PPP1R15A: variants seen among roughly 807,000 people sequenced by gnomAD.
The protein encoded by PPP1R15A is protein phosphatase 1 regulatory subunit 15A, also known as growth arrest and DNA damage-inducible protein GADD34.
PPP1R15A carries 43 observed loss-of-function variants against 48.5 expected under a neutral mutation model. That is an observed-to-expected ratio of 0.89 (90% CI 0.69 to 1.14). The LOEUF (loss-of-function observed/expected upper bound fraction) is 1.14, where lower values mean the gene tolerates loss of function less well. Among genes scored for constraint, PPP1R15A ranks in the 50% most tolerant of loss-of-function variants. PPP1R15A has a pLI of 0.00. For missense variants in PPP1R15A, 868 were observed against 847.2 expected (o/e 1.02, Z -0.30); for synonymous variants, 327 against 327.4 (o/e 1.00, Z 0.01).
intron 2 of PPP1R15A, 145 bp downstream of exon 2, chr19:48,875,043 C>T (rs926874229): frequency 3.8e-6 from 4 of 1,040,566 alleles, no homozygotes; most frequent in Non-Finnish European, 3.9e-6. Context: ...TCTCGTGCCT[C>T]AGCCTCCAGA....
chr19:48,874,675 G>A lies in PPP1R15A; in HGVS notation c.1442G>A (p.Gly481Asp), dbSNP rs763202804. The change falls in exon 2 of 3, where the codon GGC (glycine) becomes GAC (aspartate). Residue 481 changes from glycine to aspartate, a missense_variant. By Grantham distance (94) the Gly-to-Asp change is moderately conservative (BLOSUM62 -1). Transcript: ENST00000200453. Reference protein sequence around the residue: ...SHPDQRAHFRGWGYRPGKETE... With the variant: ...SHPDQRAHFRDWGYRPGKETE... ...CCGGACCAGAGGGCCCACTTCAGGG[G>A]CTGGGGATATCGACCTGGAAAAGAG... 7 of 1,613,858 alleles carry A rather than the reference G, an allele frequency of 4.3e-6. No individual in the cohort carries two copies. Among genetic ancestry groups the A allele is most frequent in the Non-Finnish European group, 5.9e-6 (7 of 1,179,816 alleles).
At position 48,873,232 on chromosome 19, in the gene PPP1R15A, A is replaced by G. The variant is rs373036822; in HGVS notation, c.-2A>G. The G allele has an allele frequency of 2.6e-6, 4 of 1,511,424 alleles. No homozygotes were observed. In the Admixed American group the frequency reaches 6.9e-5, roughly 26 times the overall value. 93.6% of individuals were successfully genotyped at this position (1,511,424 alleles called of 1,614,324 possible). On this transcript the variant is annotated 5_prime_UTR_variant, in exon 2 of 3. Transcript: ENST00000200453. ...TTTCTCCCCCTTTTCCAGCCCAGACACATGGCCCCAGGCCAAGCACCCCAT... is the reference window on the plus strand; with the variant it reads ...TTTCTCCCCCTTTTCCAGCCCAGACGCATGGCCCCAGGCCAAGCACCCCAT...
In PPP1R15A at chr19:48,874,392, A is replaced by G; in HGVS notation, c.1159A>G (p.Lys387Glu). The G allele has an allele frequency of 6.2e-7, 1 of 1,614,026 alleles. No homozygotes were observed. Among genetic ancestry groups the G allele is most frequent in the Non-Finnish European group, 8.5e-7 (1 of 1,179,982 alleles). ...CACTCCTGCTACAGGTGTCTTCTTGAAGTCCTGGGTCTATCAGCCAGGAGA... is the reference window on the plus strand; with the variant it reads ...CACTCCTGCTACAGGTGTCTTCTTGGAGTCCTGGGTCTATCAGCCAGGAGA... Reference protein sequence around the residue: ...SSTPATGVFLKSWVYQPGEDT... With the variant: ...SSTPATGVFLESWVYQPGEDT... Residue 387 changes from lysine (K) to glutamate (E), a missense_variant, in exon 2 of 3, where the codon AAG becomes GAG. Coordinates refer to ENST00000200453, the MANE Select transcript of PPP1R15A (RefSeq NM_014330.5).
chr19:48,873,979 C>A lies in PPP1R15A; in HGVS notation c.746C>A (p.Ser249Tyr). ...RSKGARKTSV[S>Y]PRSSGSDPRS... The stretch of plus-strand genomic sequence containing the variant: ...AAAGGAGCCAGGAAGACCTCCGTGT[C>A]CCCCCGATCTTCAGGCTCCGACCCC... Residue 249 changes from serine to tyrosine, a missense_variant, in exon 2 of 3, where the codon TCC (serine) becomes TAC (tyrosine). Physicochemically the swap from Ser to Tyr is moderately radical, Grantham distance 144 (BLOSUM62 -2). Transcript: ENST00000200453. The A allele has an allele frequency of 6.2e-7, 1 of 1,614,044 alleles. No homozygotes were observed. Among genetic ancestry groups the A allele is most frequent in the Non-Finnish European group, 8.5e-7 (1 of 1,179,988 alleles).
chr19:48,873,979 C>T lies in PPP1R15A; in HGVS notation c.746C>T (p.Ser249Phe). Reference protein sequence around the residue: ...RSKGARKTSVSPRSSGSDPRS... With the variant: ...RSKGARKTSVFPRSSGSDPRS... The stretch of plus-strand genomic sequence containing the variant: ...AAAGGAGCCAGGAAGACCTCCGTGT[C>T]CCCCCGATCTTCAGGCTCCGACCCC... Residue 249 changes from serine to phenylalanine, a missense_variant, in exon 2 of 3, where the codon TCC becomes TTC. Ser to Phe is a radical substitution (Grantham distance 155). Transcript: ENST00000200453. The T allele has an allele frequency of 6.2e-7, 1 of 1,614,044 alleles. No individual in the cohort carries two copies. Among genetic ancestry groups the T allele is most frequent in the Non-Finnish European group, 8.5e-7 (1 of 1,179,988 alleles).
At position 48,875,701 on chromosome 19, in the gene PPP1R15A, C is replaced by T; in HGVS notation, c.1753C>T (p.Leu585Phe). The change falls in exon 3 of 3, where the codon CTT (leucine) becomes TTT (phenylalanine). Residue 585 changes from leucine to phenylalanine, a missense_variant. Physicochemically the swap from Leu to Phe is conservative, Grantham distance 22. Coordinates refer to ENST00000200453, the MANE Select transcript of PPP1R15A (RefSeq NM_014330.5). ...CGCCCGCCAGGGCCCCTGGGAGCAG[C>T]TTGCTCGGGATCGCAGCCGCTTCGC... ...QAARQGPWEQLARDRSRFARR... is the reference protein window; with the variant it reads ...QAARQGPWEQFARDRSRFARR... 3 of 1,612,452 alleles carry T rather than the reference C, an allele frequency of 1.9e-6. No individual in the cohort carries two copies. Among genetic ancestry groups the T allele is most frequent in the Non-Finnish European group, 2.5e-6 (3 of 1,179,392 alleles).
rs763586619 is a variant in PPP1R15A at position 48,874,154 on chromosome 19, T to C, written c.921T>C (p.Ser307=). ...PQLKSWWCQP[S]DEEEGEVKAL... ...TCAAGTCCTGGTGGTGCCAACCCAGTGATGAAGAGGAGGGTGAGGTCAAGG... is the reference window on the plus strand; with the variant it reads ...TCAAGTCCTGGTGGTGCCAACCCAGCGATGAAGAGGAGGGTGAGGTCAAGG... The change falls in exon 2 of 3, where the codon AGT becomes AGC. Residue 307 remains serine (S), a synonymous_variant. Coordinates refer to ENST00000200453, the MANE Select transcript of PPP1R15A (RefSeq NM_014330.5). 6 of 1,613,722 alleles carry C rather than the reference T, an allele frequency of 3.7e-6. No homozygotes were observed. Among genetic ancestry groups the C allele is most frequent in the Middle Eastern group, 1.6e-4 (1 of 6,082 alleles).
chr19:48,873,773 AC>A lies in PPP1R15A; in HGVS notation c.542del (p.Pro181HisfsTer19), dbSNP rs757853624. ...AGGGAGTTAACAAGTTCTCTTATCC[AC>A]CATCACACCGGGAGTGTTGTCCAGC... Reference protein sequence around the residue: ...EEGVNKFSYPPSHRECCPAVE... With the variant: ...EEGVNKFSYPXSHRECCPAVE... On this transcript the variant is annotated frameshift_variant, in exon 2 of 3. Transcript: ENST00000200453. LOFTEE classifies it high-confidence loss of function. 6 of 1,614,054 alleles carry A rather than the reference AC, an allele frequency of 3.7e-6. No individual in the cohort carries two copies. Among genetic ancestry groups the A allele is most frequent in the Non-Finnish European group, 5.1e-6 (6 of 1,180,012 alleles).
rs1407028307 is a variant in PPP1R15A, at chr19:48,873,385, A to C, written c.152A>C (p.Lys51Thr). The C allele has an allele frequency of 6.2e-7, 1 of 1,613,882 alleles. No individual in the cohort carries two copies. Residue 51 changes from lysine (K) to threonine (T), a missense_variant, in exon 2 of 3, where the codon AAA becomes ACA. Physicochemically the swap from Lys to Thr is moderately conservative, Grantham distance 78. Transcript: ENST00000200453. ...GAGCCCTGGCTGGTGGAAGCAGTAA[A>C]AGGAGCAGCTCTGGTAGAAGCTGGC... is the stretch of plus-strand genomic sequence containing the variant. Reference protein sequence around the residue: ...PLEPWLVEAVKGAALVEAGLE... With the variant: ...PLEPWLVEAVTGAALVEAGLE...
Position 48,873,267 on chromosome 19 carries a change from C to T in PPP1R15A, c.34C>T (p.Pro12Ser). The T allele has an allele frequency of 1.9e-6, 3 of 1,562,408 alleles. No individual in the cohort carries two copies. Among genetic ancestry groups the T allele is most frequent in the Non-Finnish European group, 2.6e-6 (3 of 1,157,440 alleles). ...APGQAPHQAT[P>S]WRDAHPFFLL... ...AGGCCAAGCACCCCATCAGGCTACC[C>T]CGTGGAGGGATGCCCACCCTTTCTT... The change falls in exon 2 of 3, where the codon CCG becomes TCG. Residue 12 changes from proline (P) to serine (S), a missense_variant. By Grantham distance (74) the Pro-to-Ser change is moderately conservative. Transcript: ENST00000200453.
intron 2 of PPP1R15A, 189 bp from the exon 3 acceptor site, chr19:48,875,425 C>CGAA (rs1214043693): frequency 1.7e-5 from 14 of 802,756 alleles, no homozygotes; most frequent in Middle Eastern, 3.7e-4. Context: ...AGGAAACCAC[C>CGAA]TCTTCCTTCA....
Position 48,872,517 on chromosome 19 carries a change from A to G in PPP1R15A, c.-144A>G. On this transcript the variant is annotated 5_prime_UTR_variant, in exon 1 of 3. The change creates a new upstream start codon in the 5' untranslated region. Transcript: ENST00000200453. ...CACGGCACTTGAGGCAGCCGGAGAT[A>G]CTCTGAGTTACTCGGAGCCCGACGC... 2.2e-6 allele frequency: 1 copy of G among 456,218 alleles called. No individual in the cohort carries two copies. The highest frequency in any genetic ancestry group is 1.5e-5 in the South Asian group (1 of 64,546). The allele number at this position is 456,218 out of a possible 1,614,324, so 28.3% of individuals were successfully genotyped here.
Position 48,873,623 on chromosome 19 carries a change from G to A in PPP1R15A, c.390G>A (p.Gln130=). The stretch of plus-strand genomic sequence containing the variant: ...AGGCAACCAGTGTCCCTAGAGGGCA[G>A]GGAAGTCAATTTGCAGATGGCCAGC... The part of the protein sequence containing the change: ...EREATSVPRG[Q]GSQFADGQRA... The change falls in exon 2 of 3, where the codon CAG becomes CAA. Residue 130 remains glutamine, a synonymous_variant. Coordinates refer to ENST00000200453, the MANE Select transcript of PPP1R15A (RefSeq NM_014330.5). 1 of 1,614,160 alleles carries A rather than the reference G, an allele frequency of 6.2e-7. No individual in the cohort carries two copies. Among genetic ancestry groups the A allele is most frequent in the Non-Finnish European group, 8.5e-7 (1 of 1,180,012 alleles).
chr19:48,875,985 T>C lies in PPP1R15A; in HGVS notation c.*12T>C. 6.5e-7 allele frequency: 1 copy of C among 1,536,860 alleles called. No homozygotes were observed. The highest frequency in any genetic ancestry group is 8.8e-7 in the Non-Finnish European group (1 of 1,141,640). ...GGAGGCGTGGCTGAGACCAACTGGT[T>C]TGCCTATAATTTATTAACTATTTAT... is the stretch of plus-strand genomic sequence containing the variant. On this transcript the variant is annotated 3_prime_UTR_variant, in exon 3 of 3. Transcript: ENST00000200453.
chr19:48,875,273 G>A, intron 2 of PPP1R15A: 1 of 352,094 alleles, frequency 2.8e-6, no homozygotes, highest in Non-Finnish European at 5.2e-6. Context: ...GGGGGCTGGG[G>A]GCCGAGACTT....
Position 48,872,661 on chromosome 19 carries a change from G to A in PPP1R15A, c.-10+10G>A, listed in dbSNP as rs1192505672. 2.8e-6 allele frequency: 1 copy of A among 352,640 alleles called. No homozygotes were observed. The highest frequency in any genetic ancestry group is 5.8e-6 in the Non-Finnish European group (1 of 173,434). 21.8% of individuals were successfully genotyped at this position (352,640 alleles called of 1,614,324 possible). On this transcript the variant is annotated intron_variant, in intron 1 of 2. Transcript: ENST00000200453. ...GCGCAGCTCCCAGCCGGTGAGTAAG[G>A]GGTCGGAACGCCTGGGTCCCCACGG...
rs1471356764 is a variant in PPP1R15A, at chr19:48,874,793, TC to T, written c.1563del (p.Trp522GlyfsTer30). The T allele has an allele frequency of 5.0e-6, 8 of 1,613,920 alleles. No individual in the cohort carries two copies. Among genetic ancestry groups the T allele is most frequent in the Non-Finnish European group, 6.8e-6 (8 of 1,179,986 alleles). ...IYVPGEKPPP[P>X]WAPPRLPLRL... ...ATGTACCTGGAGAGAAGCCACCGCCTCCCTGGGCTCCTCCTAGGCTGCCCCT... is the reference window on the plus strand; with the variant it reads ...ATGTACCTGGAGAGAAGCCACCGCCTCCTGGGCTCCTCCTAGGCTGCCCCT... On this transcript the variant is annotated frameshift_variant, in exon 2 of 3. Coordinates refer to ENST00000200453, the MANE Select transcript of PPP1R15A (RefSeq NM_014330.5). LOFTEE classifies it high-confidence loss of function.
chr19:48,873,222 C>T lies in PPP1R15A; in HGVS notation c.-9-3C>T, dbSNP rs1224783643. On this transcript the variant is annotated splice_region_variant and splice_polypyrimidine_tract_variant and intron_variant, in intron 1 of 2. Coordinates refer to ENST00000200453, the MANE Select transcript of PPP1R15A (RefSeq NM_014330.5). ...ACTTTATTTTTTTCTCCCCCTTTTC[C>T]AGCCCAGACACATGGCCCCAGGCCA... The T allele has an allele frequency of 5.4e-6, 8 of 1,489,682 alleles. No individual in the cohort carries two copies. Among genetic ancestry groups the T allele is most frequent in the Non-Finnish European group, 6.3e-6 (7 of 1,117,600 alleles). 92.3% of individuals were successfully genotyped at this position (1,489,682 alleles called of 1,614,324 possible).
rs1185784834 is a variant in PPP1R15A at position 48,873,525 on chromosome 19, C to T, written c.292C>T (p.Leu98=). 1 of 1,614,172 alleles carries T rather than the reference C, an allele frequency of 6.2e-7. No homozygotes were observed. Among genetic ancestry groups the T allele is most frequent in the Non-Finnish European group, 8.5e-7 (1 of 1,180,018 alleles). ...TGGAGAGGACAGAGAAACACTGGGG[C>T]TGAAAACCAGCAGTTCCCTTCCTGA... ...GPGEDRETLG[L]KTSSSLPEAW... Residue 98 remains leucine (L), a synonymous_variant, in exon 2 of 3, where the codon CTG becomes TTG. Transcript: ENST00000200453.
Sources: gnomAD v4.1 joint callset for allele counts on GRCh38, gnomAD v4.1.1 for gene constraint, MANE v1.5 for transcripts, NCBI Gene and HGNC (gene_info 2026-07-23, HGNC 2026-07-21) for gene names.